Variants in SMYD3 observed in about 807,000 individuals in gnomAD.
SMYD3 encodes the protein histone-lysine N-methyltransferase SMYD3.
SMYD3 carries 36 observed loss-of-function variants against 57.7 expected under a neutral mutation model. That is an observed-to-expected ratio of 0.62 (90% CI 0.48 to 0.82). SMYD3 has a LOEUF of 0.82. Among genes scored for constraint, SMYD3 ranks in the 40% least tolerant of loss-of-function variants. SMYD3 has a pLI of 0.00. For synonymous variants in SMYD3, 211 were observed against 195.0 expected, an observed-to-expected ratio of 1.08 and a Z score of -0.68; for missense variants, 515 against 538.8, an observed-to-expected ratio of 0.96 and a Z score of 0.44.
intron 5 of SMYD3, among the ~76,000 whole-genome samples, chr1:246,060,556 G>A: frequency 6.6e-6 from 1 of 152,102 alleles, no homozygotes; most frequent in East Asian, 1.9e-4. Context: ...AAGCAGAAAA[G>A]CAATAAACTG....
rs535415377 is a variant in SMYD3 at position 246,196,621 on chromosome 1, A to G, written c.531+130580T>C. 3.9e-5 allele frequency among the ~76,000 whole-genome samples: 6 copies of G among 152,322 alleles called. No homozygotes were observed. The South Asian group carries it at 1.2e-3, about 32-fold the overall frequency. ...TAAATTTTATTTTTGGCAATTCTCA[A>G]CTGTAACTACAATACAACATTCTTT... is the stretch of plus-strand genomic sequence containing the variant. On this transcript the variant is annotated intron_variant, in intron 5 of 11. Transcript: ENST00000490107.
In SMYD3 at chr1:245,817,301, T is replaced by A. The variant is rs12032586; in HGVS notation, c.1076+41195A>T. On this transcript the variant is annotated intron_variant, in intron 10 of 11. Transcript: ENST00000490107. ...AGCAGGGGCACACTGACACCTCACA[T>A]GGCAGGGTATTCCAACAGCCCTGCA... 1.2e-4 allele frequency among the ~76,000 whole-genome samples: 16 copies of A among 137,120 alleles called. 1 individual carries two copies. The highest frequency in any genetic ancestry group is 3.2e-4 in the African/African-American group (11 of 34,720). The allele number at this position is 137,120 out of a possible 152,430, so 90.0% of individuals were successfully genotyped here. A position where few individuals can be genotyped will look rare whatever the true frequency, so the allele number is the denominator to read the frequency against.
At chr1:245,878,855 T>G (rs955682039) in intron 8 of SMYD3, among the ~76,000 whole-genome samples, 1 of 152,094 alleles carries the variant, frequency 6.6e-6, no homozygotes, top group Non-Finnish European at 1.5e-5. Context: ...GAAGAGGGCG[T>G]TGAGCTTGTG....
intron 5 of SMYD3, among the ~76,000 whole-genome samples, chr1:245,944,274 T>G (rs1252715264): frequency 6.6e-6 from 1 of 152,132 alleles, no homozygotes; most frequent in African/African-American, 2.4e-5. Context: ...CTTAAGCTGA[T>G]GAGCAACTTC....
chr1:246,220,423 C>A (rs946003877), intron 5 of SMYD3, among the ~76,000 whole-genome samples: 8 of 151,994 alleles, frequency 5.3e-5, no homozygotes, highest in African/African-American at 1.9e-4. Context: ...AGGTGGGAGC[C>A]CCACCTGCCT....
At chr1:246,328,608 A>G (rs1245909776) in intron 4 of SMYD3, among the ~76,000 whole-genome samples, 3 of 150,032 alleles carry the variant, frequency 2.0e-5, no homozygotes, top group Non-Finnish European at 4.5e-5. Flanking sequence ...GAATAACCCA[A>G]TGATTTCTTT....
intron 5 of SMYD3, among the ~76,000 whole-genome samples, chr1:246,280,309 A>G (rs142247404): frequency 9.8e-5 from 15 of 152,362 alleles, no homozygotes; most frequent in African/African-American, 3.6e-4. Flanking sequence ...CGAACATCAA[A>G]GAAATGCACA....
chr1:245,856,904 T>C (rs148840425), intron 10 of SMYD3, among the ~76,000 whole-genome samples: 1 of 152,312 alleles, frequency 6.6e-6, no homozygotes, highest in African/African-American at 2.4e-5. Flanking sequence ...GCTGTTTGGC[T>C]TCCTCAGAGC....
chr1:246,326,949 G>T, intron 5 of SMYD3: 1 of 502,462 alleles, frequency 2.0e-6, no homozygotes, highest in South Asian at 2.9e-5. Context: ...TTCTTCCAAG[G>T]GTACACTTTG....
chr1:245,962,811 T>G (rs1323767747), intron 5 of SMYD3, among the ~76,000 whole-genome samples: 3 of 125,580 alleles, frequency 2.4e-5, no homozygotes, highest in Non-Finnish European at 3.6e-5. Flanking sequence ...ACGGGCTTAC[T>G]TCTGATATTT....
chr1:245,797,325 C>T (rs1383326444), intron 10 of SMYD3, among the ~76,000 whole-genome samples: 1 of 152,162 alleles, frequency 6.6e-6, no homozygotes, highest in Non-Finnish European at 1.5e-5. Context: ...GGCATATATA[C>T]ACCATGGAAT....
intron 5 of SMYD3, among the ~76,000 whole-genome samples, chr1:246,235,219 T>C (rs1212839690): frequency 2.0e-5 from 3 of 152,200 alleles, no homozygotes; most frequent in African/African-American, 7.2e-5. Context: ...CTTTCCCCAC[T>C]GTAACTGGAA....
At chr1:245,771,674 G>C (rs1388045096) in intron 10 of SMYD3, among the ~76,000 whole-genome samples, 1 of 152,204 alleles carries the variant, frequency 6.6e-6, no homozygotes, top group Non-Finnish European at 1.5e-5. Flanking sequence ...TCATATGCCA[G>C]GAGTAAACGG....
intron 5 of SMYD3, among the ~76,000 whole-genome samples, chr1:245,977,856 G>A (rs567678533): frequency 3.3e-5 from 5 of 152,190 alleles, no homozygotes; most frequent in African/African-American, 1.2e-4. Flanking sequence ...TAGTGCACTC[G>A]GCTGGCAAGC....
chr1:245,999,321 T>G (rs977754244), intron 5 of SMYD3, among the ~76,000 whole-genome samples: 6 of 152,192 alleles, frequency 3.9e-5, no homozygotes, highest in African/African-American at 1.4e-4. Context: ...TAACTGCATG[T>G]AGATAGTATT....
chr1:246,475,190 G>T (rs1652805189), intron 1 of SMYD3, among the ~76,000 whole-genome samples: 1 of 151,922 alleles, frequency 6.6e-6, no homozygotes, highest in Non-Finnish European at 1.5e-5. Flanking sequence ...AAATTAGCCA[G>T]GCATGGTGGC....
intron 4 of SMYD3, among the ~76,000 whole-genome samples, chr1:246,330,205 A>C (rs2065436672): frequency 1.3e-5 from 2 of 152,230 alleles, no homozygotes; most frequent in African/African-American, 4.8e-5. Flanking sequence ...AGGGAAGAAA[A>C]AAAGAAGAAA....
chr1:246,368,492 C>A (rs1419804535), intron 1 of SMYD3, among the ~76,000 whole-genome samples: 1 of 152,188 alleles, frequency 6.6e-6, no homozygotes, highest in Admixed American at 6.5e-5. Context: ...AATTCATCTA[C>A]AACACATTCC....
chr1:246,210,921 G>A (rs763724665), intron 5 of SMYD3, among the ~76,000 whole-genome samples: 5 of 152,000 alleles, frequency 3.3e-5, no homozygotes, highest in Non-Finnish European at 5.9e-5. Context: ...CACTGCTTTC[G>A]GCCCCGCATG....
Sources: gnomAD v4.1 joint callset for allele counts (sites outside exome capture counted in the v4.1 genomes callset) on GRCh38, gnomAD v4.1.1 for gene constraint, MANE v1.5 for transcripts, NCBI Gene and HGNC (gene_info 2026-07-23, HGNC 2026-07-21) for gene names.